The following R3HDM1 variants were observed in gnomAD, a reference collection of about 807,000 sequenced individuals.
R3HDM1 encodes the protein R3H domain containing 1.
A neutral mutation model predicts 141.1 loss-of-function variants in R3HDM1; 46 were observed. That is an observed-to-expected ratio of 0.33 (90% CI 0.26 to 0.42). The LOEUF is 0.42. R3HDM1 is among the 10% of genes least tolerant of loss of function. The pLI is 1.00. For missense variants in R3HDM1, 1,184 were observed against 1,368.3 expected (o/e 0.87, Z 2.12); for synonymous variants, 435 against 472.9 (o/e 0.92, Z 1.04).
Position 135,721,929 on chromosome 2 carries a change from T to G in R3HDM1, c.2887T>G (p.Ser963Ala). The G allele has an allele frequency of 4.3e-6, 7 of 1,612,806 alleles. No individual in the cohort carries two copies. Among genetic ancestry groups the G allele is most frequent in the Non-Finnish European group, 5.9e-6 (7 of 1,178,958 alleles). ...SRPFVPGQGD[S>A]RYPLLGQPLQ... The stretch of plus-strand genomic sequence containing the variant: ...AATATTTTATTGACTTTCAGGAGAT[T>G]CCAGGTATCCATTACTTGGCCAGCC... The change falls in exon 25 of 27, where the codon TCC becomes GCC. Residue 963 changes from serine to alanine, a missense_variant. Coordinates refer to ENST00000683871, the MANE Select transcript of R3HDM1 (RefSeq NM_001378107.1).
At chr2:135,619,169 A>G (rs1424582352) in intron 5 of R3HDM1, among the ~76,000 whole-genome samples, 1 of 152,194 alleles carries the variant, frequency 6.6e-6, no homozygotes, top group Non-Finnish European at 1.5e-5. Flanking sequence ...TCTTAGCTTC[A>G]TGACAGTCTA....
intron 23 of R3HDM1, 41 bp downstream of exon 23, chr2:135,710,272 T>G (rs778277711): frequency 3.7e-5 from 58 of 1,565,026 alleles, no homozygotes; most frequent in Non-Finnish European, 4.9e-5. Context: ...AACGTTACAT[T>G]TTTGTTACCT....
At chr2:135,701,488 T>C (rs1465129451) in intron 21 of R3HDM1, among the ~76,000 whole-genome samples, 2 of 152,152 alleles carry the variant, frequency 1.3e-5, no homozygotes, top group Non-Finnish European at 2.9e-5. Flanking sequence ...AATGCATATG[T>C]GATGAGATGA....
At chr2:135,597,112 T>A (rs2059256703) in intron 1 of R3HDM1, 1 of 979,554 alleles carries the variant, frequency 1.0e-6, no homozygotes, top group Non-Finnish European at 1.2e-6. Context: ...CATATAGTCT[T>A]ACAAGACTCC....
At chr2:135,607,203 G>A (rs1165765435) in intron 3 of R3HDM1, 1 of 384,346 alleles carries the variant, frequency 2.6e-6, no homozygotes, top group Non-Finnish European at 3.6e-6. Context: ...TGGCCAGGAT[G>A]GTCTCGATCT....
At chr2:135,593,834 C>T (rs147713032) in intron 1 of R3HDM1, among the ~76,000 whole-genome samples, 1 of 152,198 alleles carries the variant, frequency 6.6e-6, no homozygotes, top group African/African-American at 2.4e-5. Context: ...GATTCTCATG[C>T]GTCAGCCTCC....
chr2:135,623,911 T>C (rs528738171), intron 7 of R3HDM1, among the ~76,000 whole-genome samples: 9 of 152,342 alleles, frequency 5.9e-5, no homozygotes, highest in African/African-American at 2.2e-4. Flanking sequence ...GAAAGGATTT[T>C]GGAATATGTC....
intron 1 of R3HDM1, among the ~76,000 whole-genome samples, chr2:135,553,068 C>G (rs1386825610): frequency 6.6e-6 from 1 of 152,130 alleles, no homozygotes; most frequent in African/African-American, 2.4e-5. Context: ...CAGGGTCTCA[C>G]TGTGTTGCCC....
chr2:135,566,467 C>A (rs1702817921), intron 1 of R3HDM1, among the ~76,000 whole-genome samples: 1 of 152,130 alleles, frequency 6.6e-6, no homozygotes, highest in African/African-American at 2.4e-5. Context: ...GTGCTTGTGG[C>A]CTCAACTTTG....
rs76980924 is a variant in R3HDM1, at chr2:135,625,838, C to G, written c.497+3106C>G. On this transcript the variant is annotated intron_variant, in intron 7 of 26. Transcript: ENST00000683871. ...TGGAGGTTCCTGGAGGATGTCAGGC[C>G]CCAGGAAAAGAATGCAAGCTCCATC... Among the ~76,000 whole-genome samples the G allele has an allele frequency of 7.2e-3, 1,097 of 152,218 alleles. 12 individuals are homozygous for G. The highest frequency in any genetic ancestry group is 0.025 in the African/African-American group (1,028 of 41,522).
chr2:135,575,877 A>G (rs778356399), intron 1 of R3HDM1, among the ~76,000 whole-genome samples: 2 of 152,200 alleles, frequency 1.3e-5, no homozygotes, highest in African/African-American at 4.8e-5. Context: ...TTACTTTTTA[A>G]GTTAGACAAG....
chr2:135,629,508 G>T (rs1034887337), intron 7 of R3HDM1, among the ~76,000 whole-genome samples: 3 of 152,110 alleles, frequency 2.0e-5, no homozygotes, highest in African/African-American at 7.2e-5. Context: ...AAATATTTTT[G>T]TTGAACCTTT....
At chr2:135,561,604 G>C (rs1310746366) in intron 1 of R3HDM1, among the ~76,000 whole-genome samples, 1 of 151,938 alleles carries the variant, frequency 6.6e-6, no homozygotes, top group Non-Finnish European at 1.5e-5. Context: ...TGTGGTCCCA[G>C]CTTCTCAGGA....
intron 15 of R3HDM1, among the ~76,000 whole-genome samples, chr2:135,643,663 C>T (rs920416651): frequency 6.6e-5 from 10 of 151,914 alleles, no homozygotes; most frequent in African/African-American, 2.4e-4. Flanking sequence ...GAAATGTTAA[C>T]GATATGATTA....
At chr2:135,680,945 TG>T (rs2070193623) in intron 21 of R3HDM1, among the ~76,000 whole-genome samples, 1 of 152,196 alleles carries the variant, frequency 6.6e-6, no homozygotes, top group African/African-American at 2.4e-5. Flanking sequence ...TATAGGGGTC[TG>T]GAAAAATTGT....
chr2:135,572,011 A>G (rs562118283), intron 1 of R3HDM1, among the ~76,000 whole-genome samples: 23 of 151,954 alleles, frequency 1.5e-4, no homozygotes, highest in African/African-American at 5.3e-4. Context: ...CCAGGAGTGC[A>G]GTGGTGCCAT....
intron 1 of R3HDM1, among the ~76,000 whole-genome samples, chr2:135,541,727 A>C (rs1367045675): frequency 6.6e-6 from 1 of 152,146 alleles, no homozygotes; most frequent in African/African-American, 2.4e-5. Flanking sequence ...CATAATAATG[A>C]AAGAGTTTGA....
intron 19 of R3HDM1, chr2:135,670,198 G>T: frequency 5.5e-5 from 23 of 418,538 alleles, no homozygotes; most frequent in South Asian, 1.0e-4. Flanking sequence ...TTGAAGCAAA[G>T]ATAATTATAT....
chr2:135,545,682 C>G (rs747034550), intron 1 of R3HDM1, among the ~76,000 whole-genome samples: 10 of 152,106 alleles, frequency 6.6e-5, no homozygotes, highest in Non-Finnish European at 1.2e-4. Flanking sequence ...GGGCTGTCAG[C>G]TAGGTGTATT....
Sources: gnomAD v4.1 joint callset for allele counts (sites outside exome capture counted in the v4.1 genomes callset) on GRCh38, gnomAD v4.1.1 for gene constraint, MANE v1.5 for transcripts, NCBI Gene and HGNC (gene_info 2026-07-23, HGNC 2026-07-21) for gene names.